Variants in KCNMA1 observed in about 807,000 individuals in gnomAD.
KCNMA1 encodes the protein Calcium-activated potassium channel subunit alpha-1.
In KCNMA1, 29 loss-of-function variants were observed where a neutral mutation model predicts 140.0. The ratio of observed to expected loss-of-function variants is 0.21; its 90% CI spans 0.15 to 0.28. The LOEUF is 0.28. Among genes scored for constraint, KCNMA1 ranks in the 10% least tolerant of loss-of-function variants. The pLI is 1.00. For synonymous variants in KCNMA1, 612 were observed against 611.9 expected, an observed-to-expected ratio of 1.00 and a Z score of 0.00; for missense variants, 880 against 1,602.2, an observed-to-expected ratio of 0.55 and a Z score of 7.70.
At chr10:77,044,073 A>C (rs2094897801) in intron 14 of KCNMA1, among the ~76,000 whole-genome samples, 1 of 152,224 alleles carries the variant, frequency 6.6e-6, no homozygotes, top group Admixed American at 6.5e-5. Flanking sequence ...ATTATAATTA[A>C]TACTGAGACC....
intron 12 of KCNMA1, among the ~76,000 whole-genome samples, chr10:77,082,064 T>C (rs2096592427): frequency 7.1e-6 from 1 of 140,520 alleles, no homozygotes; most frequent in Admixed American, 7.5e-5. Flanking sequence ...TCGCTGGCTC[T>C]GTTGCCCAGG....
chr10:77,387,545 C>CTTTTCT (rs1555271027), intron 2 of KCNMA1, among the ~76,000 whole-genome samples: 1 of 109,594 alleles, frequency 9.1e-6, no homozygotes, highest in Admixed American at 8.6e-5. Flanking sequence ...CTTTTCTTTT[C>CTTTTCT]TTTTCTTTTC....
intron 23 of KCNMA1, among the ~76,000 whole-genome samples, chr10:76,930,548 TAGAAG>T (rs1181749408): frequency 6.6e-6 from 1 of 152,192 alleles, no homozygotes; most frequent in Non-Finnish European, 1.5e-5. Flanking sequence ...TACAGCCCTA[TAGAAG>T]ACAGTATGAA....
At chr10:77,224,392 T>C (rs545653466) in intron 3 of KCNMA1, among the ~76,000 whole-genome samples, 11 of 152,300 alleles carry the variant, frequency 7.2e-5, no homozygotes, top group Admixed American at 2.0e-4. Flanking sequence ...CTCTTTTCAG[T>C]ATAGCTCTCA....
chr10:77,218,587 A>G (rs1268842304), intron 3 of KCNMA1, among the ~76,000 whole-genome samples: 2 of 152,050 alleles, frequency 1.3e-5, no homozygotes, highest in South Asian at 4.1e-4. Context: ...GACTCACCCA[A>G]TCCCATGTAG....
At chr10:77,421,140 T>C (rs1189446487) in intron 1 of KCNMA1, among the ~76,000 whole-genome samples, 1 of 152,264 alleles carries the variant, frequency 6.6e-6, no homozygotes, top group Non-Finnish European at 1.5e-5. Context: ...ACAGCAATAC[T>C]GGACATTCTT....
chr10:77,261,079 T>C (rs1047061867), intron 2 of KCNMA1, among the ~76,000 whole-genome samples: 2 of 152,192 alleles, frequency 1.3e-5, no homozygotes, highest in African/African-American at 4.8e-5. Flanking sequence ...CCTGGGGGTC[T>C]CTATCAGTAT....
chr10:77,313,121 G>A (rs1337669378), intron 2 of KCNMA1, among the ~76,000 whole-genome samples: 2 of 152,142 alleles, frequency 1.3e-5, no homozygotes, highest in African/African-American at 2.4e-5. Context: ...CAGACTCCGC[G>A]TTGGTCTGTG....
chr10:77,103,184 A>C (rs1009058072), intron 9 of KCNMA1, among the ~76,000 whole-genome samples: 1 of 152,252 alleles, frequency 6.6e-6, no homozygotes, highest in Non-Finnish European at 1.5e-5. Context: ...AAGATAATTA[A>C]GTACTCTAGT....
At chr10:77,268,889 G>T (rs966362134) in intron 2 of KCNMA1, among the ~76,000 whole-genome samples, 3 of 152,152 alleles carry the variant, frequency 2.0e-5, no homozygotes, top group Non-Finnish European at 4.4e-5. Flanking sequence ...CCTCAGTAGT[G>T]ACTGAACAAA....
chr10:77,174,863 C>T (rs915645856), intron 5 of KCNMA1, among the ~76,000 whole-genome samples: 16 of 152,206 alleles, frequency 1.1e-4, no homozygotes, highest in African/African-American at 3.6e-4. Context: ...CCTGACTGCA[C>T]TTCAGACACA....
At chr10:77,103,077 G>C (rs925594585) in intron 9 of KCNMA1, among the ~76,000 whole-genome samples, 17 of 152,128 alleles carry the variant, frequency 1.1e-4, no homozygotes, top group Admixed American at 3.3e-4. Flanking sequence ...GTGCTGGGCT[G>C]TTTTTAGTTC....
At chr10:77,472,153 CAT>C (rs1435467810) in intron 1 of KCNMA1, among the ~76,000 whole-genome samples, 3 of 150,192 alleles carry the variant, frequency 2.0e-5, no homozygotes, top group Non-Finnish European at 4.5e-5. Flanking sequence ...ACATATCACA[CAT>C]ATATTATATA....
At chr10:77,512,342 G>A (rs555309727) in intron 1 of KCNMA1, among the ~76,000 whole-genome samples, 31 of 152,268 alleles carry the variant, frequency 2.0e-4, no homozygotes, top group Middle Eastern at 3.4e-3. Context: ...ACAGTACAAT[G>A]AGGAATTTTT....
At chr10:77,536,993 G>A (rs1211105372) in intron 1 of KCNMA1, among the ~76,000 whole-genome samples, 7 of 152,152 alleles carry the variant, frequency 4.6e-5, no homozygotes, top group Non-Finnish European at 1.0e-4. Context: ...TATGGTGTCT[G>A]GGAAAAATGT....
intron 2 of KCNMA1, among the ~76,000 whole-genome samples, chr10:77,388,739 T>C (rs1007076896): frequency 6.6e-6 from 1 of 152,200 alleles, no homozygotes; most frequent in African/African-American, 2.4e-5. Flanking sequence ...AAAGAGAAAC[T>C]GGTTATTTAT....
At chr10:77,403,255 G>A (rs1213720701) in intron 2 of KCNMA1, among the ~76,000 whole-genome samples, 1 of 152,178 alleles carries the variant, frequency 6.6e-6, no homozygotes, top group Non-Finnish European at 1.5e-5. Context: ...GGTGGGCTTA[G>A]GAGACAATCT....
chr10:77,250,901 T>C (rs1330371674), intron 3 of KCNMA1: 2 of 377,004 alleles, frequency 5.3e-6, no homozygotes, highest in African/African-American at 4.1e-5. Flanking sequence ...CTACTTGACA[T>C]CTTCAGTGCA....
At chr10:77,181,947 T>C (rs886434009) in intron 5 of KCNMA1, among the ~76,000 whole-genome samples, 1 of 152,162 alleles carries the variant, frequency 6.6e-6, no homozygotes, top group Non-Finnish European at 1.5e-5. Context: ...CACGTGTATG[T>C]GCATATAATA....
Sources: allele counts gnomAD v4.1 joint callset (sites outside exome capture counted in the v4.1 genomes callset), GRCh38; gene constraint gnomAD v4.1.1; transcripts MANE v1.5; gene names NCBI Gene and HGNC (gene_info 2026-07-23, HGNC 2026-07-21).